The following LETMD1 variants were observed in gnomAD, a reference collection of about 807,000 sequenced individuals.
The protein encoded by LETMD1 is LETM1 domain containing 1, also known as LETM1 domain-containing protein 1.
Under a neutral mutation model 43.9 loss-of-function variants are expected in LETMD1, and 30 were observed. The observed-to-expected ratio is 0.68, with a 90% CI of 0.51 to 0.93. The LOEUF is 0.93. LETMD1 is among the 40% of genes least tolerant of loss of function. LETMD1 has a pLI of 0.00. For missense variants in LETMD1, 413 were observed against 447.7 expected, an observed-to-expected ratio of 0.92 and a Z score of 0.70; for synonymous variants, 176 against 163.1, an observed-to-expected ratio of 1.08 and a Z score of -0.60.
At chr12:51,052,839 C>T (rs1276967674) in intron 3 of LETMD1, among the ~76,000 whole-genome samples, 3 of 151,704 alleles carry the variant, frequency 2.0e-5, no homozygotes, top group African/African-American at 7.3e-5. Flanking sequence ...GGCACAGTGG[C>T]TCTCGCCTAT....
downstream of LETMD1, chr12:51,063,821 C>T (rs1294780613): frequency 6.2e-7 from 1 of 1,611,722 alleles, no homozygotes; most frequent in Non-Finnish European, 8.5e-7. Context: ...TCTTCACCAT[C>T]CCACAGCCCT....
rs1945127179 is a variant in LETMD1 at position 51,048,889 on chromosome 12, T to A, written c.123-145T>A. On this transcript the variant is annotated intron_variant, in intron 1 of 8. Transcript: ENST00000262055. The stretch of plus-strand genomic sequence containing the variant: ...TTTCACAGTCTGATTGCCTATCTCT[T>A]CTTGACCCCAAGACCTTCCTTGGAT... 7.7e-6 allele frequency: 6 copies of A among 775,692 alleles called. No individual in the cohort carries two copies. The Admixed American group carries it at 1.7e-4, about 22-fold the overall frequency. 48.1% of individuals were successfully genotyped at this position (775,692 alleles called of 1,614,324 possible).
intron 1 of LETMD1, 39 bp downstream of exon 1, chr12:51,048,517 A>G (rs1190085844): frequency 1.9e-6 from 3 of 1,606,684 alleles, no homozygotes. Context: ...TTTGACGTCC[A>G]GGCTCTTTCA....
chr12:51,048,260 C>A (rs953823989), upstream of LETMD1: 1 of 1,529,170 alleles, frequency 6.5e-7, no homozygotes, highest in Non-Finnish European at 9.0e-7. Flanking sequence ...TACCAATCAG[C>A]GCTCAGAAAA....
Position 51,055,871 on chromosome 12 carries a change from C to G in LETMD1, c.510C>G (p.Phe170Leu). ...CCAGGCAACTACTGATCAGGCATTT[C>G]TGGACCCCAAAACAACAAACTGATT... The part of the protein sequence containing the change: ...LFPRQLLIRH[F>L]WTPKQQTDFL... Residue 170 changes from phenylalanine to leucine, a missense_variant, in exon 5 of 9, where the codon TTC becomes TTG. Transcript: ENST00000262055. 1 of 1,613,564 alleles carries G rather than the reference C, an allele frequency of 6.2e-7. No individual in the cohort carries two copies. Among genetic ancestry groups the G allele is most frequent in the Non-Finnish European group, 8.5e-7 (1 of 1,179,780 alleles).
chr12:51,057,028 A>G (rs1404925366), intron 7 of LETMD1: 2 of 154,710 alleles, frequency 1.3e-5, no homozygotes, highest in African/African-American at 4.8e-5. Flanking sequence ...TTGGCCTCCT[A>G]AAGTGCTGGG....
downstream of LETMD1, chr12:51,064,222 G>A (rs542279562): frequency 6.2e-7 from 1 of 1,613,854 alleles, no homozygotes; most frequent in Non-Finnish European, 8.5e-7. Context: ...GAGCCTGGGG[G>A]CAGCTGAGCC....
the LETMD1 span, among the ~76,000 whole-genome samples, chr12:51,068,130 C>T: frequency 2.0e-5 from 3 of 152,200 alleles, no homozygotes; most frequent in African/African-American, 4.8e-5. Flanking sequence ...CTACTGAGCA[C>T]TAGAAATGCA....
chr12:51,056,193 A>G lies in LETMD1; in HGVS notation c.710A>G (p.Glu237Gly), dbSNP rs1947672640. ...ATACATGATATCTTGGCTCTGAGAG[A>G]GTGTTTCTCTAACCATCCTCTGGGC... ...PAIHDILALR[E>G]CFSNHPLGMN... The change falls in exon 6 of 9, where the codon GAG becomes GGG. Residue 237 changes from glutamate to glycine, a missense_variant. By Grantham distance (98) the Glu-to-Gly change is moderately conservative. Transcript: ENST00000262055. The G allele has an allele frequency of 6.2e-7, 1 of 1,614,194 alleles. No individual in the cohort carries two copies. The highest frequency in any genetic ancestry group is 8.5e-7 in the Non-Finnish European group (1 of 1,180,040).
intron 2 of LETMD1, among the ~76,000 whole-genome samples, chr12:51,049,962 G>A (rs1044983572): frequency 6.6e-6 from 1 of 152,096 alleles, no homozygotes; most frequent in Non-Finnish European, 1.5e-5. Context: ...AAGTAATTGC[G>A]GCTTTTGGCT....
chr12:51,063,547 G>A, downstream of LETMD1: 1 of 432,642 alleles, frequency 2.3e-6, no homozygotes, highest in Non-Finnish European at 4.1e-6. Flanking sequence ...ACTATCCCCA[G>A]ATCAAGGTAG....
intron 3 of LETMD1, among the ~76,000 whole-genome samples, chr12:51,053,066 C>T (rs1454070782): frequency 5.3e-5 from 8 of 151,258 alleles, no homozygotes; most frequent in East Asian, 2.0e-4. Flanking sequence ...GAGTGAAGAT[C>T]GCGCCACTGC....
At chr12:51,055,474 G>A (rs1223212421) in intron 4 of LETMD1, among the ~76,000 whole-genome samples, 1 of 151,764 alleles carries the variant, frequency 6.6e-6, no homozygotes, top group African/African-American at 2.4e-5. Context: ...AGACCACCCT[G>A]GGCAATATAG....
At chr12:51,054,626 C>T (rs1016974036) in intron 4 of LETMD1, among the ~76,000 whole-genome samples, 2 of 152,144 alleles carry the variant, frequency 1.3e-5, no homozygotes, top group African/African-American at 4.8e-5. Context: ...TAAGAATCTA[C>T]ATGACTTTAT....
chr12:51,063,874 A>G (rs1277522514), downstream of LETMD1: 4 of 1,613,928 alleles, frequency 2.5e-6, no homozygotes, highest in African/African-American at 2.7e-5. Flanking sequence ...GGGGACCAGG[A>G]AGGGTGGAAG....
chr12:51,060,529 G>A (rs1192791415), downstream of LETMD1: 1 of 152,216 alleles, frequency 6.6e-6, no homozygotes, highest in Non-Finnish European at 1.5e-5. Flanking sequence ...TGGGATGGAA[G>A]TTTTGCAGAA....
Position 51,059,872 on chromosome 12 carries a change from A to C in LETMD1, c.*441A>C. On this transcript the variant is annotated 3_prime_UTR_variant, in exon 9 of 9. Transcript: ENST00000262055. The stretch of plus-strand genomic sequence containing the variant: ...AAAATTTGTGGCTGGTGAAAACAGC[A>C]CTCCTTTGGCTGGAGCACATGTGTC... 1 of 171,840 alleles carries C rather than the reference A, an allele frequency of 5.8e-6. No homozygotes were observed. The highest frequency in any genetic ancestry group is 1.3e-5 in the Non-Finnish European group (1 of 79,300). 10.6% of individuals were successfully genotyped at this position (171,840 alleles called of 1,614,324 possible). A position where few individuals can be genotyped will look rare whatever the true frequency, so the allele number is the denominator to read the frequency against.
At chr12:51,068,583 C>T in the LETMD1 span, among the ~76,000 whole-genome samples, 2 of 152,076 alleles carry the variant, frequency 1.3e-5, no homozygotes, top group African/African-American at 2.4e-5. Flanking sequence ...CTCAAAAACC[C>T]GTCTCATCTT....
chr12:51,051,143 C>G (rs966536136), intron 2 of LETMD1, among the ~76,000 whole-genome samples: 1 of 151,014 alleles, frequency 6.6e-6, no homozygotes, highest in Non-Finnish European at 1.5e-5. Context: ...CGGTGGCTCA[C>G]GCCTGTAATC....
Sources: allele counts gnomAD v4.1 joint callset (sites outside exome capture counted in the v4.1 genomes callset), GRCh38; gene constraint gnomAD v4.1.1; transcripts MANE v1.5; gene names NCBI Gene and HGNC (gene_info 2026-07-23, HGNC 2026-07-21).